IQCH: variants seen among roughly 807,000 people sequenced by gnomAD.
IQCH encodes the protein IQ domain-containing protein H.
IQCH carries 98 observed loss-of-function variants against 117.0 expected under a neutral mutation model. The observed-to-expected ratio is 0.84, with a 90% CI of 0.71 to 0.99. IQCH has a LOEUF of 0.99. IQCH is among the 50% of genes least tolerant of loss of function. The pLI is 0.00. For missense variants in IQCH, 1,102 were observed against 1,243.8 expected, an observed-to-expected ratio of 0.89 and a Z score of 1.72; for synonymous variants, 412 against 448.2, an observed-to-expected ratio of 0.92 and a Z score of 1.02.
rs528757218 is a variant in IQCH, at chr15:67,493,061, G to A, written c.2862-1197G>A. Among the ~76,000 whole-genome samples, 33 of 152,274 alleles carry A rather than the reference G, an allele frequency of 2.2e-4. No individual in the cohort carries two copies. The highest frequency in any genetic ancestry group is 7.5e-4 in the African/African-American group (31 of 41,560). On this transcript the variant is annotated intron_variant, in intron 19 of 20. Transcript: ENST00000335894. The surrounding 1 kb of genome is among the most constrained non-coding windows in gnomAD (Gnocchi z 5.1). Reference sequence around the variant, plus strand: ...CAATGGCAGAAATAGTCCTATTGGTGTACCTTCTAGATGGTTATTGCTATT... The same window carrying A: ...CAATGGCAGAAATAGTCCTATTGGTATACCTTCTAGATGGTTATTGCTATT...
At chr15:67,300,473 A>G (rs573894901) in intron 4 of IQCH, among the ~76,000 whole-genome samples, 2 of 152,302 alleles carry the variant, frequency 1.3e-5, no homozygotes, top group East Asian at 3.9e-4. Flanking sequence ...TACCTAAGAC[A>G]GTGGTTGAGA....
intron 4 of IQCH, among the ~76,000 whole-genome samples, chr15:67,318,719 G>A (rs188933583): frequency 4.3e-4 from 66 of 152,228 alleles, no homozygotes; most frequent in Non-Finnish European, 5.7e-4. Context: ...AAAACTCAGC[G>A]TAGATATTGC....
intron 3 of IQCH, among the ~76,000 whole-genome samples, chr15:67,267,389 A>G (rs1965720479): frequency 6.6e-6 from 1 of 152,168 alleles, no homozygotes; most frequent in South Asian, 2.1e-4. Context: ...CATTCTTGGT[A>G]TTTCTAATGC....
At position 67,456,871 on chromosome 15, in the gene IQCH, C is replaced by G. The variant is rs538495727; in HGVS notation, c.2506-8256C>G. Among the ~76,000 whole-genome samples the G allele has an allele frequency of 2.0e-5, 3 of 152,224 alleles. No homozygotes were observed. The highest frequency in any genetic ancestry group is 6.5e-5 in the Admixed American group (1 of 15,286). ...TTGCAGCCTCTTACCCCACCCACTC[C>G]AAACACCCCATAGAAGGCAGTGTCC... is the stretch of plus-strand genomic sequence containing the variant. On this transcript the variant is annotated intron_variant, in intron 16 of 20. Transcript: ENST00000335894. This position sits in a 1 kb window ranked among gnomAD's most constrained non-coding sequence, Gnocchi z 5.1.
In IQCH at chr15:67,418,553, A is replaced by AC. The variant is rs66695451; in HGVS notation, c.2218+1502_2218+1503insC. ...CACACACACACACACACACACACAC[A>AC]AGATCAATAATAGGGTGTTTTTACT... On this transcript the variant is annotated intron_variant, in intron 15 of 20. Coordinates refer to ENST00000335894, the MANE Select transcript of IQCH (RefSeq NM_001031715.3). 6.2e-4 allele frequency among the ~76,000 whole-genome samples: 92 copies of AC among 149,002 alleles called. 1 individual carries two copies. Among genetic ancestry groups the AC allele is most frequent in the East Asian group, 1.2e-3 (6 of 5,054 alleles).
rs368170383 is a variant in IQCH at position 67,387,607 on chromosome 15, A to T, written c.1457-1224A>T. On this transcript the variant is annotated intron_variant, in intron 11 of 20. Coordinates refer to ENST00000335894, the MANE Select transcript of IQCH (RefSeq NM_001031715.3). The surrounding 1 kb of genome is among the most constrained non-coding windows in gnomAD (Gnocchi z 4.8). ...AATGTAGGTGTGGGGGCAGCTGGGGAATCACTGTTGGCCAGCCTAGTCAGG... is the reference window on the plus strand; with the variant it reads ...AATGTAGGTGTGGGGGCAGCTGGGGTATCACTGTTGGCCAGCCTAGTCAGG... 6.0e-4 allele frequency among the ~76,000 whole-genome samples: 91 copies of T among 152,234 alleles called. 6 individuals carry two copies. In the East Asian group the frequency reaches 6.2e-3, roughly 10 times the overall value.
At chr15:67,346,006 A>G (rs1188121604) in intron 6 of IQCH, among the ~76,000 whole-genome samples, 2 of 152,136 alleles carry the variant, frequency 1.3e-5, no homozygotes, top group Non-Finnish European at 2.9e-5. Flanking sequence ...TTCAAAAATA[A>G]ATTATAGGAC....
intron 14 of IQCH, among the ~76,000 whole-genome samples, chr15:67,414,981 G>A (rs558993191): frequency 6.6e-6 from 1 of 152,152 alleles, no homozygotes; most frequent in South Asian, 2.1e-4. Flanking sequence ...GGATTCTAAC[G>A]CCGTGTTTCA....
At chr15:67,340,168 C>T (rs538096868) in intron 5 of IQCH, among the ~76,000 whole-genome samples, 2 of 152,230 alleles carry the variant, frequency 1.3e-5, no homozygotes, top group African/African-American at 4.8e-5. Context: ...TGGTTCACAC[C>T]TGTAATCCCA....
intron 1 of IQCH, among the ~76,000 whole-genome samples, chr15:67,255,845 A>G (rs965793632): frequency 7.9e-5 from 12 of 152,094 alleles, no homozygotes; most frequent in Non-Finnish European, 1.3e-4. Flanking sequence ...GAACTCACCA[A>G]TTTCATAGAC....
In IQCH at chr15:67,359,852, A is replaced by T. The variant is rs766328018; in HGVS notation, c.720A>T (p.Lys240Asn). 3.2e-5 allele frequency: 51 copies of T among 1,612,986 alleles called. No individual in the cohort carries two copies. Among genetic ancestry groups the T allele is most frequent in the Non-Finnish European group, 4.0e-5 (47 of 1,179,114 alleles). ...FFPKKQRSKG[K>N]SRRSRGHHDR... ...TGTCTCATTCTTCATTGTAGGGGAA[A>T]AGCAGAAGGTCAAGAGGACATCATG... Residue 240 changes from lysine (K) to asparagine (N), a missense_variant, in exon 8 of 21, where the codon AAA (lysine) becomes AAT (asparagine). This residue lies in a region of IQCH where 452 missense variants were observed against 449.6 expected (regional missense o/e 1.01). Coordinates refer to ENST00000335894, the MANE Select transcript of IQCH (RefSeq NM_001031715.3). This position sits in a 1 kb window ranked among gnomAD's most constrained non-coding sequence, Gnocchi z 4.5.
rs993949903 is a variant in IQCH, at chr15:67,369,938, T to C, written c.754-2173T>C. The stretch of plus-strand genomic sequence containing the variant: ...GCTTCCCAGTGCCTGAGTGGTCTGT[T>C]TGATGTCCAGGAGTATGTTTCCTTT... On this transcript the variant is annotated intron_variant, in intron 8 of 20. Transcript: ENST00000335894. The surrounding 1 kb of genome is among the most constrained non-coding windows in gnomAD (Gnocchi z 5.2). 6.6e-6 allele frequency among the ~76,000 whole-genome samples: 1 copy of C among 152,206 alleles called. No individual in the cohort carries two copies. Among genetic ancestry groups the C allele is most frequent in the Non-Finnish European group, 1.5e-5 (1 of 68,038 alleles).
rs928912519 is a variant in IQCH at position 67,417,176 on chromosome 15, C to T, written c.2218+125C>T. On this transcript the variant is annotated intron_variant, in intron 15 of 20. Transcript: ENST00000335894. The surrounding 1 kb of genome is among the most constrained non-coding windows in gnomAD (Gnocchi z 4.3). ...GTGTTGGTTTAGAAAAGTGCTCCTA[C>T]GGTTTTCTTTTTCAAATGTTGCCTA... 35 of 734,276 alleles carry T rather than the reference C, an allele frequency of 4.8e-5. No individual in the cohort carries two copies. The South Asian group carries it at 5.2e-4, about 11-fold the overall frequency. The allele number at this position is 734,276 out of a possible 1,614,324, so 45.5% of individuals were successfully genotyped here. A position where few individuals can be genotyped will look rare whatever the true frequency, so the allele number is the denominator to read the frequency against.
intron 4 of IQCH, among the ~76,000 whole-genome samples, chr15:67,284,102 A>C (rs773393119): frequency 6.6e-6 from 1 of 152,154 alleles, no homozygotes; most frequent in African/African-American, 2.4e-5. Flanking sequence ...ATTACTGACT[A>C]TAGTTGCTCT....
chr15:67,293,922 C>T (rs1034346699), intron 4 of IQCH, among the ~76,000 whole-genome samples: 2 of 152,270 alleles, frequency 1.3e-5, no homozygotes, highest in South Asian at 2.1e-4. Context: ...CATTGTGAGA[C>T]TTTGGATATT....
intron 5 of IQCH, among the ~76,000 whole-genome samples, chr15:67,339,921 C>G (rs1352556659): frequency 6.6e-6 from 1 of 152,126 alleles, no homozygotes; most frequent in Non-Finnish European, 1.5e-5. Flanking sequence ...CCAAGAAACT[C>G]TGTTCATCAG....
Position 67,359,593 on chromosome 15 carries a change from T to C in IQCH, c.715-254T>C, listed in dbSNP as rs1970046318. 6.6e-6 allele frequency among the ~76,000 whole-genome samples: 1 copy of C among 152,184 alleles called. No individual in the cohort carries two copies. The highest frequency in any genetic ancestry group is 2.1e-4 in the South Asian group (1 of 4,834). Reference sequence around the variant, plus strand: ...CCTAGAAGTGGGACTTGGCATCTGATTATAGTTGTTTTTGTAAATATTTAC... The same window carrying C: ...CCTAGAAGTGGGACTTGGCATCTGACTATAGTTGTTTTTGTAAATATTTAC... On this transcript the variant is annotated intron_variant, in intron 7 of 20. Transcript: ENST00000335894. This position sits in a 1 kb window ranked among gnomAD's most constrained non-coding sequence, Gnocchi z 4.5.
intron 16 of IQCH, among the ~76,000 whole-genome samples, chr15:67,446,582 C>T (rs960936405): frequency 6.6e-6 from 1 of 152,176 alleles, no homozygotes; most frequent in Non-Finnish European, 1.5e-5. Flanking sequence ...CCTACCATAG[C>T]AGCAGAGCCT....
chr15:67,345,526 C>T (rs1449297830), intron 6 of IQCH, among the ~76,000 whole-genome samples: 5 of 152,132 alleles, frequency 3.3e-5, no homozygotes, highest in East Asian at 1.9e-4. Context: ...TAATATGACA[C>T]GATGAGGAAG....
Sources: gnomAD v4.1 joint callset for allele counts (sites outside exome capture counted in the v4.1 genomes callset) on GRCh38, gnomAD v4.1.1 for gene constraint, gnomAD v4.1.1 regional missense constraint, Gnocchi (gnomAD v3.1) non-coding constraint, MANE v1.5 for transcripts, NCBI Gene and HGNC (gene_info 2026-07-23, HGNC 2026-07-21) for gene names.